The following AUTS2 variants were observed in gnomAD, a reference collection of about 807,000 sequenced individuals.
The protein encoded by AUTS2 is autism susceptibility gene 2 protein.
AUTS2 carries 17 observed loss-of-function variants against 112.4 expected under a neutral mutation model. That is an observed-to-expected ratio of 0.15 (90% CI 0.10 to 0.23). The LOEUF (loss-of-function observed/expected upper bound fraction) is 0.23. Among genes scored for constraint, AUTS2 ranks in the 10% least tolerant of loss-of-function variants. The pLI is 1.00. For missense variants in AUTS2, 1,510 were observed against 1,701.6 expected (o/e 0.89, Z 1.98); for synonymous variants, 751 against 702.7 (o/e 1.07, Z -1.09).
chr7:70,644,499 TC>T (rs901182744), intron 5 of AUTS2, among the ~76,000 whole-genome samples: 7 of 152,094 alleles, frequency 4.6e-5, no homozygotes, highest in Non-Finnish European at 1.0e-4. Context: ...ACGAACTGTC[TC>T]CCACACCCTT....
intron 2 of AUTS2, among the ~76,000 whole-genome samples, chr7:70,067,067 TG>T (rs753244821): frequency 2.4e-4 from 37 of 152,310 alleles, no homozygotes; most frequent in Admixed American, 1.9e-3. Flanking sequence ...AGGCATTTAA[TG>T]ATAATCATTT....
chr7:70,074,103 C>A (rs1562665195), intron 2 of AUTS2, among the ~76,000 whole-genome samples: 2 of 152,156 alleles, frequency 1.3e-5, no homozygotes, highest in African/African-American at 2.4e-5. Flanking sequence ...ATTTTGTTGA[C>A]ATGATCAACA....
At chr7:70,109,643 C>T (rs1037579141) in intron 2 of AUTS2, among the ~76,000 whole-genome samples, 5 of 152,076 alleles carry the variant, frequency 3.3e-5, no homozygotes, top group African/African-American at 1.2e-4. Flanking sequence ...TTATGGAGAC[C>T]AACGTTTTAT....
chr7:70,092,616 G>C (rs1200871656), intron 2 of AUTS2, among the ~76,000 whole-genome samples: 1 of 152,188 alleles, frequency 6.6e-6, no homozygotes, highest in African/African-American at 2.4e-5. Context: ...GTGAGTGAAA[G>C]CTGATATTGG....
intron 1 of AUTS2, among the ~76,000 whole-genome samples, chr7:69,819,874 C>T (rs1790909956): frequency 6.6e-6 from 1 of 152,176 alleles, no homozygotes; most frequent in Non-Finnish European, 1.5e-5. Context: ...ATTAGGAATA[C>T]AGGCCTGAGC....
intron 1 of AUTS2, among the ~76,000 whole-genome samples, chr7:69,700,156 C>T (rs915054791): frequency 6.6e-6 from 1 of 152,080 alleles, no homozygotes; most frequent in Non-Finnish European, 1.5e-5. Context: ...GAATTTTTGC[C>T]AATCTGATAG....
intron 1 of AUTS2, among the ~76,000 whole-genome samples, chr7:69,816,143 A>G (rs1434551390): frequency 6.6e-6 from 1 of 152,308 alleles, no homozygotes; most frequent in East Asian, 1.9e-4. Context: ...TGAGTTTCTG[A>G]TTAAAGCTGT....
At chr7:70,281,428 C>T (rs1788209507) in intron 4 of AUTS2, among the ~76,000 whole-genome samples, 1 of 152,310 alleles carries the variant, frequency 6.6e-6, no homozygotes, top group Non-Finnish European at 1.5e-5. Flanking sequence ...CTGCTTTGAT[C>T]GTCTCTTGGT....
At chr7:69,769,127 A>G (rs149107227) in intron 1 of AUTS2, among the ~76,000 whole-genome samples, 6 of 152,370 alleles carry the variant, frequency 3.9e-5, no homozygotes, top group African/African-American at 1.4e-4. Flanking sequence ...TGTGAAGCTT[A>G]AAATTGATAC....
At chr7:70,526,873 A>T (rs3094903) in intron 5 of AUTS2, among the ~76,000 whole-genome samples, 1 of 151,994 alleles carries the variant, frequency 6.6e-6, no homozygotes, top group Non-Finnish European at 1.5e-5. Context: ...TCTTAGTCAC[A>T]CTTGCTTCCA....
rs570327310 is a variant in AUTS2 at position 70,208,678 on chromosome 7, G to A, written c.660+74107G>A. ...AAATGATTAATTCAGATACTTGTGA[G>A]GCTATGGAGAAGATAACCTAGGCTA... is the stretch of plus-strand genomic sequence containing the variant. On this transcript the variant is annotated intron_variant, in intron 4 of 18. Transcript: ENST00000342771. Among the ~76,000 whole-genome samples the A allele has an allele frequency of 2.0e-5, 3 of 152,144 alleles. No individual in the cohort carries two copies. In the East Asian group the frequency reaches 5.8e-4, roughly 29 times the overall value.
rs1042274547 is a variant in AUTS2 at position 70,698,502 on chromosome 7, G to T, written c.691-67G>T. 3.1e-6 allele frequency: 4 copies of T among 1,306,268 alleles called. No individual in the cohort carries two copies. The African/African-American group carries it at 5.9e-5, about 19-fold the overall frequency. 80.9% of individuals were successfully genotyped at this position (1,306,268 alleles called of 1,614,324 possible). On this transcript the variant is annotated intron_variant, in intron 5 of 18. Transcript: ENST00000342771. ...GTAGTCAACTGATTTAAAATAATGG[G>T]AATGTTGATGGTGATGACAATATTA...
At chr7:69,906,492 G>A (rs1174411097) in intron 2 of AUTS2, among the ~76,000 whole-genome samples, 1 of 152,222 alleles carries the variant, frequency 6.6e-6, no homozygotes, top group Non-Finnish European at 1.5e-5. Flanking sequence ...GGGAGTTGAT[G>A]GTGGTGACAG....
chr7:70,075,300 A>G (rs1383461821), intron 2 of AUTS2, among the ~76,000 whole-genome samples: 2 of 152,098 alleles, frequency 1.3e-5, no homozygotes, highest in Non-Finnish European at 2.9e-5. Flanking sequence ...CAGCCCACTC[A>G]TTTAGATTTT....
chr7:69,735,514 TA>T (rs1786990764), intron 1 of AUTS2, among the ~76,000 whole-genome samples: 1 of 152,156 alleles, frequency 6.6e-6, no homozygotes, highest in Non-Finnish European at 1.5e-5. Flanking sequence ...ATGAAACTAT[TA>T]TTTTCTCCCA....
intron 3 of AUTS2, among the ~76,000 whole-genome samples, chr7:70,129,034 G>A (rs1806128868): frequency 6.6e-6 from 1 of 152,154 alleles, no homozygotes; most frequent in East Asian, 1.9e-4. Flanking sequence ...TTATGTCATT[G>A]TATTAGACTT....
At chr7:70,317,276 C>T (rs568928957) in intron 4 of AUTS2, among the ~76,000 whole-genome samples, 11 of 152,094 alleles carry the variant, frequency 7.2e-5, no homozygotes, top group African/African-American at 1.7e-4. Flanking sequence ...CACTGCAGGG[C>T]GGGGTTTTGT....
At chr7:69,620,286 G>T (rs1328877146) in intron 1 of AUTS2, among the ~76,000 whole-genome samples, 1 of 152,184 alleles carries the variant, frequency 6.6e-6, no homozygotes, top group Non-Finnish European at 1.5e-5. Flanking sequence ...AGGCTATCAG[G>T]TTACCTTCAT....
chr7:70,084,477 T>C (rs1490573437), intron 2 of AUTS2, among the ~76,000 whole-genome samples: 1 of 152,250 alleles, frequency 6.6e-6, no homozygotes, highest in Non-Finnish European at 1.5e-5. Flanking sequence ...AAAGTGGTTG[T>C]ACCATTTTAT....
Sources: gnomAD v4.1 joint callset for allele counts (sites outside exome capture counted in the v4.1 genomes callset) on GRCh38, gnomAD v4.1.1 for gene constraint, MANE v1.5 for transcripts, NCBI Gene and HGNC (gene_info 2026-07-23, HGNC 2026-07-21) for gene names.